The following SPPL3 variants were observed in gnomAD, a reference collection of about 807,000 sequenced individuals.
SPPL3 encodes signal peptide peptidase like 3, also known as signal peptide peptidase-like 3.
In SPPL3, 5 loss-of-function variants were observed where a neutral mutation model predicts 42.4. That is an observed-to-expected ratio of 0.12 (90% confidence interval 0.06 to 0.25). The LOEUF is 0.25. Ranked by LOEUF, SPPL3 falls within the 10% of genes least tolerant of loss-of-function variation. SPPL3 has a pLI of 1.00. For missense variants in SPPL3, 235 were observed against 489.0 expected, an observed-to-expected ratio of 0.48 and a Z score of 4.90; for synonymous variants, 195 against 181.8, an observed-to-expected ratio of 1.07 and a Z score of -0.58.
At chr12:120,786,916 G>C (rs1433854307) in intron 3 of SPPL3, among the ~76,000 whole-genome samples, 1 of 152,204 alleles carries the variant, frequency 6.6e-6, no homozygotes, top group Non-Finnish European at 1.5e-5. Context: ...ACATATGCAA[G>C]TGCAGTTGCA....
intron 3 of SPPL3, among the ~76,000 whole-genome samples, chr12:120,787,632 T>A (rs567403543): frequency 6.6e-6 from 1 of 152,240 alleles, no homozygotes; most frequent in East Asian, 1.9e-4. Context: ...CCCAGAAATC[T>A]TCCTTTGTGT....
Position 120,808,471 on chromosome 12 carries a change from C to G in SPPL3, c.101+2338G>C, listed in dbSNP as rs543409687. On this transcript the variant is annotated intron_variant, in intron 2 of 10. Coordinates refer to ENST00000353487, the MANE Select transcript of SPPL3 (RefSeq NM_139015.5). Reference sequence around the variant, plus strand: ...TTATTACATAAAATTTGGTTTAAAACTTGCTCAATCCTAAAATGATATAGC... The same window carrying G: ...TTATTACATAAAATTTGGTTTAAAAGTTGCTCAATCCTAAAATGATATAGC... Among the ~76,000 whole-genome samples the G allele has an allele frequency of 5.3e-5, 8 of 152,270 alleles. No homozygotes were observed. In the East Asian group the frequency reaches 1.3e-3, roughly 26 times the overall value.
intron 1 of SPPL3, among the ~76,000 whole-genome samples, chr12:120,892,273 T>A (rs1007630470): frequency 1.3e-5 from 2 of 152,164 alleles, no homozygotes; most frequent in Non-Finnish European, 2.9e-5. Flanking sequence ...ACAAAGTGCA[T>A]TGTCAAAACG....
At position 120,851,886 on chromosome 12, in the gene SPPL3, G is replaced by A. The variant is rs150643448; in HGVS notation, c.24-41000C>T. Reference sequence around the variant, plus strand: ...CCCAAAGTGCTGGGATTACAGGCGTGAGCCACCGTACCTGGCCCGTTTCAC... The same window carrying A: ...CCCAAAGTGCTGGGATTACAGGCGTAAGCCACCGTACCTGGCCCGTTTCAC... On this transcript the variant is annotated intron_variant, in intron 1 of 10. Transcript: ENST00000353487. Among the ~76,000 whole-genome samples the A allele has an allele frequency of 7.6e-3, 1,157 of 152,234 alleles. 15 individuals carry two copies. The highest frequency in any genetic ancestry group is 0.026 in the African/African-American group (1,089 of 41,548).
At chr12:120,804,923 C>A (rs919016485) in intron 2 of SPPL3, among the ~76,000 whole-genome samples, 1 of 152,134 alleles carries the variant, frequency 6.6e-6, no homozygotes, top group East Asian at 1.9e-4. Context: ...TGATAACATG[C>A]TACAACACAG....
chr12:120,792,375 G>A (rs1420370790), intron 2 of SPPL3, among the ~76,000 whole-genome samples: 2 of 151,974 alleles, frequency 1.3e-5, no homozygotes, highest in Admixed American at 6.6e-5. Flanking sequence ...ATCTGTCCAA[G>A]TTCTTAGCTA....
chr12:120,858,831 G>T (rs1592999190), intron 1 of SPPL3, among the ~76,000 whole-genome samples: 2 of 152,130 alleles, frequency 1.3e-5, no homozygotes, highest in Non-Finnish European at 2.9e-5. Flanking sequence ...ACGCTCTATG[G>T]AAGAACATAA....
At chr12:120,868,491 GTATT>G (rs1332833559) in intron 1 of SPPL3, among the ~76,000 whole-genome samples, 1 of 151,682 alleles carries the variant, frequency 6.6e-6, no homozygotes, top group East Asian at 1.9e-4. Flanking sequence ...TGTTTTATTT[GTATT>G]TATTTATTTT....
At chr12:120,844,262 A>G (rs1296470464) in intron 1 of SPPL3, among the ~76,000 whole-genome samples, 3 of 152,264 alleles carry the variant, frequency 2.0e-5, no homozygotes, top group East Asian at 1.9e-4. Context: ...CATACCTCCA[A>G]AACATAGCCT....
At chr12:120,875,390 A>G (rs1278207858) in intron 1 of SPPL3, among the ~76,000 whole-genome samples, 1 of 152,190 alleles carries the variant, frequency 6.6e-6, no homozygotes, top group African/African-American at 2.4e-5. Flanking sequence ...ACCACTAAAA[A>G]TATAAAACAA....
intron 1 of SPPL3, among the ~76,000 whole-genome samples, chr12:120,853,483 A>G (rs1872331663): frequency 6.6e-6 from 1 of 152,240 alleles, no homozygotes; most frequent in South Asian, 2.1e-4. Context: ...CAATAGTAGC[A>G]AAACAAGAAG....
At chr12:120,903,774 C>T (rs141191125) in intron 1 of SPPL3, 71 bp downstream of exon 1, 4 of 1,255,168 alleles carry the variant, frequency 3.2e-6, no homozygotes, top group Non-Finnish European at 4.2e-6. Flanking sequence ...TCCTCTTCCC[C>T]TCGGCGGGCC....
At chr12:120,840,460 G>A (rs1252578385) in intron 1 of SPPL3, among the ~76,000 whole-genome samples, 2 of 151,982 alleles carry the variant, frequency 1.3e-5, no homozygotes, top group Admixed American at 6.6e-5. Flanking sequence ...TTAGGGCTGG[G>A]GTGGGAAAAT....
chr12:120,800,263 G>C (rs1870242903), intron 2 of SPPL3, among the ~76,000 whole-genome samples: 1 of 152,132 alleles, frequency 6.6e-6, no homozygotes, highest in Non-Finnish European at 1.5e-5. Context: ...AGCACTTCAG[G>C]AGGCTGAGGC....
At chr12:120,846,364 C>T (rs1308822116) in intron 1 of SPPL3, among the ~76,000 whole-genome samples, 1 of 152,162 alleles carries the variant, frequency 6.6e-6, no homozygotes, top group African/African-American at 2.4e-5. Flanking sequence ...GCAATTTTAT[C>T]AAAGATATAT....
rs1420292551 is a variant in SPPL3 at position 120,855,152 on chromosome 12, C to T, written c.24-44266G>A. Among the ~76,000 whole-genome samples, 9 of 151,984 alleles carry T rather than the reference C, an allele frequency of 5.9e-5. No individual in the cohort carries two copies. The South Asian group carries it at 1.0e-3, about 18-fold the overall frequency. On this transcript the variant is annotated intron_variant, in intron 1 of 10. Transcript: ENST00000353487. ...TAGACCCCACAGAGTGCAAGAATGACGAGAGAAGGGGACTATCAGTGATTA... is the reference window on the plus strand; with the variant it reads ...TAGACCCCACAGAGTGCAAGAATGATGAGAGAAGGGGACTATCAGTGATTA...
intron 1 of SPPL3, among the ~76,000 whole-genome samples, chr12:120,815,910 A>G (rs1255768216): frequency 6.6e-6 from 1 of 151,926 alleles, no homozygotes; most frequent in African/African-American, 2.4e-5. Context: ...TGGTATTTTT[A>G]TTAGAGACAG....
intron 3 of SPPL3, among the ~76,000 whole-genome samples, chr12:120,785,831 A>G (rs997567397): frequency 6.1e-4 from 81 of 133,030 alleles, no homozygotes; most frequent in African/African-American, 2.3e-3. Context: ...AAAAAAAAAA[A>G]TTAGGCATGT....
intron 1 of SPPL3, among the ~76,000 whole-genome samples, chr12:120,884,532 T>G (rs1353728181): frequency 7.2e-6 from 1 of 138,488 alleles, no homozygotes; most frequent in Non-Finnish European, 1.5e-5. Flanking sequence ...TTTCTGGGTT[T>G]CAACAACTTG....
Sources: allele counts gnomAD v4.1 joint callset (sites outside exome capture counted in the v4.1 genomes callset), GRCh38; gene constraint gnomAD v4.1.1; transcripts MANE v1.5; gene names NCBI Gene and HGNC (gene_info 2026-07-23, HGNC 2026-07-21).